The following METTL24 variants were observed in gnomAD, a reference collection of about 807,000 sequenced individuals.
METTL24 encodes probable methyltransferase-like protein 24.
Under a neutral mutation model 32.7 loss-of-function variants are expected in METTL24, and 29 were observed. That is an observed-to-expected ratio of 0.89 (90% CI 0.66 to 1.21). The LOEUF is 1.21. Ranked by LOEUF, METTL24 falls within the 50% of genes most tolerant of loss-of-function variation. The probability of loss-of-function intolerance (pLI) is 0.00; values close to 1 mark genes in which losing one functional copy is unlikely to be tolerated. For synonymous variants in METTL24, 163 were observed against 179.5 expected (o/e 0.91, Z 0.73); for missense variants, 439 against 468.1 (o/e 0.94, Z 0.57).
chr6:110,348,105 G>T (rs566673477), intron 1 of METTL24, among the ~76,000 whole-genome samples: 66 of 152,224 alleles, frequency 4.3e-4, no homozygotes, highest in Admixed American at 1.5e-3. Context: ...GAAACACAAG[G>T]CTGAACACAG....
intron 4 of METTL24, among the ~76,000 whole-genome samples, chr6:110,267,389 C>T (rs1159972374): frequency 6.6e-6 from 1 of 152,170 alleles, no homozygotes; most frequent in African/African-American, 2.4e-5. Flanking sequence ...AAGACCAGTA[C>T]CTATTACTTA....
chr6:110,259,105 G>C (rs967679816), intron 4 of METTL24, among the ~76,000 whole-genome samples: 2 of 152,200 alleles, frequency 1.3e-5, no homozygotes, highest in Non-Finnish European at 1.5e-5. Context: ...ACTGGGGACT[G>C]TCAGACAGTG....
chr6:110,259,489 C>A (rs999948327), intron 4 of METTL24, among the ~76,000 whole-genome samples: 1 of 152,242 alleles, frequency 6.6e-6, no homozygotes, highest in African/African-American at 2.4e-5. Context: ...TGGGTGGAGC[C>A]CACCACAGCT....
chr6:110,345,828 G>A lies in METTL24; in HGVS notation c.318+12127C>T, dbSNP rs935653797. 2.6e-5 allele frequency among the ~76,000 whole-genome samples: 4 copies of A among 152,272 alleles called. No homozygotes were observed. In the East Asian group the frequency reaches 7.7e-4, roughly 29 times the overall value. ...GAGGAGCAGAAAAAATAACTATTCA[G>A]TACCAGGCTTAGTACCTGGTTGTCA... On this transcript the variant is annotated intron_variant, in intron 1 of 4. Transcript: ENST00000338882.
intron 4 of METTL24, among the ~76,000 whole-genome samples, chr6:110,262,398 C>T (rs1251156146): frequency 6.6e-6 from 1 of 151,984 alleles, no homozygotes; most frequent in African/African-American, 2.4e-5. Flanking sequence ...ACACATACAC[C>T]ATCCCAAGAC....
intron 1 of METTL24, among the ~76,000 whole-genome samples, chr6:110,334,328 G>C (rs997864026): frequency 3.3e-5 from 5 of 152,138 alleles, no homozygotes; most frequent in African/African-American, 1.2e-4. Context: ...CACCTAGTCA[G>C]CAAGCGCAGG....
chr6:110,328,626 C>A (rs918000350), intron 1 of METTL24, among the ~76,000 whole-genome samples: 4 of 152,090 alleles, frequency 2.6e-5, no homozygotes, highest in Admixed American at 6.6e-5. Context: ...GAAAGTGATT[C>A]TCTCAAGCCA....
At chr6:110,303,802 C>T (rs1166760386) in intron 3 of METTL24, among the ~76,000 whole-genome samples, 4 of 152,250 alleles carry the variant, frequency 2.6e-5, no homozygotes, top group African/African-American at 9.6e-5. Flanking sequence ...CCCAGTACAA[C>T]ACTCGAGCTC....
chr6:110,325,701 C>T (rs1480606999), intron 1 of METTL24, among the ~76,000 whole-genome samples: 1 of 152,134 alleles, frequency 6.6e-6, no homozygotes, highest in African/African-American at 2.4e-5. Flanking sequence ...GGCTCACAGA[C>T]ACTTTGAAGG....
chr6:110,326,191 C>A lies in METTL24; in HGVS notation c.319-3319G>T, dbSNP rs563484984. Among the ~76,000 whole-genome samples the A allele has an allele frequency of 5.9e-5, 9 of 152,302 alleles. No individual in the cohort carries two copies. In the East Asian group the frequency reaches 1.7e-3, roughly 29 times the overall value. On this transcript the variant is annotated intron_variant, in intron 1 of 4. Coordinates refer to ENST00000338882, the MANE Select transcript of METTL24 (RefSeq NM_001123364.3). ...CCTTTGTTCCAGAGGGATCTTGCCC[C>A]ATACCCAGGAGGAAGAAACACTACA... is the stretch of plus-strand genomic sequence containing the variant.
rs1268948006 is a variant in METTL24, at chr6:110,322,881, GAC to G, written c.319-11_319-10del. On this transcript the variant is annotated splice_polypyrimidine_tract_variant and intron_variant, in intron 1 of 4. Coordinates refer to ENST00000338882, the MANE Select transcript of METTL24 (RefSeq NM_001123364.3). ...ATATGCCACCGGGGACCCTGCAAGA[GAC>G]AGAAAACATAGGTTGTGTGTAAGGA... The G allele has an allele frequency of 6.3e-7, 1 of 1,596,254 alleles. No individual in the cohort carries two copies. The highest frequency in any genetic ancestry group is 8.5e-7 in the Non-Finnish European group (1 of 1,173,880).
chr6:110,355,974 G>A (rs1472677903), intron 1 of METTL24, among the ~76,000 whole-genome samples: 1 of 152,180 alleles, frequency 6.6e-6, no homozygotes, highest in African/African-American at 2.4e-5. Flanking sequence ...CCAGCCATCA[G>A]TACTGTCGTT....
At chr6:110,336,749 A>C (rs1411502750) in intron 1 of METTL24, among the ~76,000 whole-genome samples, 1 of 151,882 alleles carries the variant, frequency 6.6e-6, no homozygotes, top group Non-Finnish European at 1.5e-5. Context: ...AAAAAAAAAA[A>C]AAAAAAACAA....
intron 1 of METTL24, among the ~76,000 whole-genome samples, chr6:110,339,024 A>G (rs1582437705): frequency 6.6e-6 from 1 of 152,210 alleles, no homozygotes; most frequent in Non-Finnish European, 1.5e-5. Context: ...GTCTACTTCT[A>G]ATCATTCATC....
intron 1 of METTL24, among the ~76,000 whole-genome samples, chr6:110,343,389 G>T (rs568542583): frequency 6.6e-6 from 1 of 152,216 alleles, no homozygotes; most frequent in Non-Finnish European, 1.5e-5. Context: ...TATAATGAGT[G>T]CTTCCTATGG....
At chr6:110,330,262 G>C (rs1162463894) in intron 1 of METTL24, among the ~76,000 whole-genome samples, 5 of 152,344 alleles carry the variant, frequency 3.3e-5, no homozygotes, top group East Asian at 1.9e-4. Flanking sequence ...GAAAACGGAA[G>C]TTTCCTCTCC....
intron 1 of METTL24, chr6:110,332,443 G>A (rs1351884583): frequency 1.1e-6 from 1 of 913,252 alleles, no homozygotes; most frequent in Admixed American, 6.2e-5. Context: ...CATATACCTA[G>A]AGTGGATCCA....
At chr6:110,267,566 G>A (rs950412687) in intron 4 of METTL24, among the ~76,000 whole-genome samples, 1 of 152,192 alleles carries the variant, frequency 6.6e-6, no homozygotes, top group Non-Finnish European at 1.5e-5. Flanking sequence ...TGTTTTGGAT[G>A]CACCATTCCA....
intron 1 of METTL24, among the ~76,000 whole-genome samples, chr6:110,344,294 A>G (rs1772424283): frequency 1.3e-5 from 2 of 152,126 alleles, no homozygotes; most frequent in African/African-American, 4.8e-5. Context: ...GCAGATGAAA[A>G]AAACTCTAGC....
Sources: gnomAD v4.1 joint callset for allele counts (sites outside exome capture counted in the v4.1 genomes callset) on GRCh38, gnomAD v4.1.1 for gene constraint, MANE v1.5 for transcripts, NCBI Gene and HGNC (gene_info 2026-07-23, HGNC 2026-07-21) for gene names.